TMSB15B: variants seen among roughly 807,000 people sequenced by gnomAD.
TMSB15B encodes thymosin beta 15B, also known as thymosin beta-15B.
rs2075029168 is a variant in TMSB15B, at chrX:103,947,793, T to C, written c.-720-14228T>C. 2.7e-5 allele frequency among the ~76,000 whole-genome samples: 3 copies of C among 111,820 alleles called. No individual in the cohort carries two copies. In the Admixed American group the frequency reaches 2.8e-4, roughly 11 times the overall value. The stretch of plus-strand genomic sequence containing the variant: ...AAAAACAAACAACTTAAAGGATGAA[T>C]AGGTAAATGACCTGAAAAGGTACTT... On this transcript the variant is annotated intron_variant, in intron 1 of 3. Transcript: ENST00000419165.
chrX:103,954,065 G>A lies in TMSB15B; in HGVS notation c.-720-7956G>A, dbSNP rs1168474559. ...GGGCTAACTGTACTGAGCTATTGCT[G>A]ACTCACATTTCTCTGGTGTGGAGCC... On this transcript the variant is annotated intron_variant, in intron 1 of 3. Transcript: ENST00000419165. 2.7e-5 allele frequency among the ~76,000 whole-genome samples: 3 copies of A among 111,904 alleles called. No individual in the cohort carries two copies. In the Admixed American group the frequency reaches 2.8e-4, roughly 11 times the overall value.
At chrX:103,954,370 G>A (rs139624141) in intron 1 of TMSB15B, among the ~76,000 whole-genome samples, 2,214 of 111,894 alleles carry the variant, frequency 0.02, 64 homozygotes, top group African/African-American at 0.069. Context: ...GCAGTCTTGC[G>A]TGCTCTGGGG....
chrX:103,943,960 CAG>C (rs1263582336), intron 1 of TMSB15B, among the ~76,000 whole-genome samples: 1 of 111,975 alleles, frequency 8.9e-6, no homozygotes, highest in African/African-American at 3.2e-5. Context: ...ATAGATGTCT[CAG>C]AATTATAATA....
intron 1 of TMSB15B, among the ~76,000 whole-genome samples, chrX:103,926,565 G>A (rs1219059825): frequency 9.1e-6 from 1 of 109,590 alleles, no homozygotes; most frequent in Admixed American, 9.6e-5. Flanking sequence ...CAGGGAGAAG[G>A]GGCTAGGGAA....
chrX:103,951,452 A>G (rs2075039128), intron 1 of TMSB15B, among the ~76,000 whole-genome samples: 1 of 112,031 alleles, frequency 8.9e-6, no homozygotes, highest in African/African-American at 3.2e-5. Context: ...TTGAGGAGAA[A>G]GAAGTTGCAA....
chrX:103,928,114 C>T (rs1268675516), intron 1 of TMSB15B: 6 of 1,119,749 alleles, frequency 5.4e-6, no homozygotes, highest in Non-Finnish European at 7.2e-6. Flanking sequence ...AGCAGAACCA[C>T]TCTCCCAGGA....
rs186442086 is a variant in TMSB15B at position 103,948,492 on chromosome X, G to T, written c.-720-13529G>T. On this transcript the variant is annotated intron_variant, in intron 1 of 3. Transcript: ENST00000419165. ...GGCTATTGCAAGAACATGAACTGCC[G>T]CATTGCTTGTAATAGAAAAAATGGA... 2.7e-5 allele frequency among the ~76,000 whole-genome samples: 3 copies of T among 112,012 alleles called. No homozygotes were observed. The Admixed American group carries it at 2.8e-4, about 11-fold the overall frequency.
intron 1 of TMSB15B, among the ~76,000 whole-genome samples, chrX:103,933,387 G>A (rs1196518718): frequency 9.1e-6 from 1 of 110,475 alleles, no homozygotes; most frequent in Non-Finnish European, 1.9e-5. Context: ...AAAGAGATAC[G>A]CTCAGACGAG....
chrX:103,935,977 G>T (rs2074996767), intron 1 of TMSB15B, among the ~76,000 whole-genome samples: 1 of 106,689 alleles, frequency 9.4e-6, no homozygotes, highest in African/African-American at 3.4e-5. Context: ...GTCCCAAGAA[G>T]CTGGGATTAC....
At chrX:103,925,936 G>A (rs1287024067) in intron 1 of TMSB15B, among the ~76,000 whole-genome samples, 2 of 111,890 alleles carry the variant, frequency 1.8e-5, no homozygotes, top group Admixed American at 1.9e-4. Context: ...AAGACCTTTG[G>A]TAGGAGAGCT....
chrX:103,922,449 A>T lies in TMSB15B; in HGVS notation c.-721+3157A>T, dbSNP rs1451728419. ...TCAATTCCCACCTATGAGTGAGAACATGCAGTGTTTTGTTTTCTGTCCTTG... is the reference window on the plus strand; with the variant it reads ...TCAATTCCCACCTATGAGTGAGAACTTGCAGTGTTTTGTTTTCTGTCCTTG... On this transcript the variant is annotated intron_variant, in intron 1 of 3. Transcript: ENST00000419165. Among the ~76,000 whole-genome samples, 33 of 104,094 alleles carry T rather than the reference A, an allele frequency of 3.2e-4. 2 individuals carry two copies. The East Asian group carries it at 8.0e-3, about 25-fold the overall frequency. The allele number at this position is 104,094 out of a possible 115,157, so 90.4% of individuals were successfully genotyped here. A position where few individuals can be genotyped will look rare whatever the true frequency, so the allele number is the denominator to read the frequency against.
chrX:103,940,108 G>A (rs1272561218), intron 1 of TMSB15B, among the ~76,000 whole-genome samples: 4 of 112,051 alleles, frequency 3.6e-5, no homozygotes, highest in African/African-American at 1.3e-4. Flanking sequence ...GCTGGGAGGT[G>A]TCTCCATGTC....
chrX:103,937,827 C>T (rs1247115357), intron 1 of TMSB15B, among the ~76,000 whole-genome samples: 2 of 111,725 alleles, frequency 1.8e-5, no homozygotes, highest in African/African-American at 3.3e-5. Context: ...GTTCCCTCTA[C>T]GCATTGCTTT....
chrX:103,942,365 C>G (rs1272148319), intron 1 of TMSB15B, among the ~76,000 whole-genome samples: 2 of 111,707 alleles, frequency 1.8e-5, no homozygotes, highest in East Asian at 5.6e-4. Context: ...TGCTGAAAAG[C>G]CTTTTCTTCT....
At chrX:103,944,593 G>C (rs1382073663) in intron 1 of TMSB15B, among the ~76,000 whole-genome samples, 1 of 111,135 alleles carries the variant, frequency 9.0e-6, no homozygotes, top group Admixed American at 9.6e-5. Context: ...ATTGTAGAAG[G>C]CTCTGAATGC....
intron 1 of TMSB15B, among the ~76,000 whole-genome samples, chrX:103,927,582 C>G (rs1230416327): frequency 9.0e-6 from 1 of 110,989 alleles, no homozygotes; most frequent in African/African-American, 3.3e-5. Context: ...TTCCCCTTAC[C>G]CAAATTTAAT....
At chrX:103,922,777 G>A (rs1172116603) in intron 1 of TMSB15B, among the ~76,000 whole-genome samples, 1 of 111,790 alleles carries the variant, frequency 8.9e-6, no homozygotes, top group Non-Finnish European at 1.9e-5. Context: ...CTGAGGAATC[G>A]CCACACTGTC....
chrX:103,939,951 C>A (rs1252796454), intron 1 of TMSB15B, among the ~76,000 whole-genome samples: 1 of 111,804 alleles, frequency 8.9e-6, no homozygotes, highest in Non-Finnish European at 1.9e-5. Flanking sequence ...GGGGTCCACT[C>A]CAGACCCCGT....
At chrX:103,944,265 T>C (rs1556326541) in intron 1 of TMSB15B, among the ~76,000 whole-genome samples, 1 of 112,260 alleles carries the variant, frequency 8.9e-6, no homozygotes, top group Admixed American at 9.5e-5. Flanking sequence ...CATAGTATTG[T>C]ACTCTGTACC....
Sources: gnomAD v4.1 joint callset for allele counts (sites outside exome capture counted in the v4.1 genomes callset) on GRCh38, gnomAD v4.1.1 for gene constraint, MANE v1.5 for transcripts, NCBI Gene and HGNC (gene_info 2026-07-23, HGNC 2026-07-21) for gene names.